The following PCDHGB1 variants were observed in gnomAD, a reference collection of about 807,000 sequenced individuals.
The protein encoded by PCDHGB1 is protocadherin gamma-B1.
PCDHGB1 carries 34 observed loss-of-function variants against 56.6 expected under a neutral mutation model. The observed-to-expected ratio is 0.60, with a 90% confidence interval of 0.46 to 0.80. The LOEUF is 0.80. Ranked by LOEUF, PCDHGB1 falls within the 30% of genes least tolerant of loss-of-function variation. The probability of loss-of-function intolerance (pLI) is 0.00; values close to 1 mark genes in which losing one functional copy is unlikely to be tolerated. For missense variants in PCDHGB1, 1,278 were observed against 1,204.6 expected, an observed-to-expected ratio of 1.06 and a Z score of -0.90; for synonymous variants, 561 against 505.9, an observed-to-expected ratio of 1.11 and a Z score of -1.46.
rs761720184 is a variant in PCDHGB1 at position 141,364,947 on chromosome 5, C to A, written c.2409+12278C>A. On this transcript the variant is annotated intron_variant, in intron 1 of 3. Coordinates refer to ENST00000523390, the MANE Select transcript of PCDHGB1 (RefSeq NM_018922.3). ...CAGCCCCTAGACCGCGAGAAAGAGA[C>A]TGTTCACGACCTCCTCCTCACAGCT... 3 of 1,613,826 alleles carry A rather than the reference C, an allele frequency of 1.9e-6. No homozygotes were observed. Among genetic ancestry groups the A allele is most frequent in the African/African-American group, 1.3e-5 (1 of 74,916 alleles).
At chr5:141,457,715 CA>C (rs2098928510) in intron 1 of PCDHGB1, among the ~76,000 whole-genome samples, 2 of 152,212 alleles carry the variant, frequency 1.3e-5, no homozygotes, top group Non-Finnish European at 2.9e-5. Flanking sequence ...CACTGTTCCA[CA>C]AGGAATTTCA....
chr5:141,362,360 A>G lies in PCDHGB1; in HGVS notation c.2409+9691A>G, dbSNP rs758755542. 153 of 1,613,924 alleles carry G rather than the reference A, an allele frequency of 9.5e-5. No homozygotes were observed. In the South Asian group the frequency reaches 1.3e-3, roughly 14 times the overall value. On this transcript the variant is annotated intron_variant, in intron 1 of 3. Transcript: ENST00000523390. ...AAGCCTGGACCTGGGGTTCTCCCCA[A>G]TTACAGTGAGGGTACATTGCCCTAT...
intron 1 of PCDHGB1, among the ~76,000 whole-genome samples, chr5:141,459,757 G>T (rs1360124889): frequency 6.6e-6 from 1 of 152,162 alleles, no homozygotes; most frequent in Admixed American, 6.6e-5. Flanking sequence ...ATTCTAGTGG[G>T]TGTGTGATAC....
intron 1 of PCDHGB1, chr5:141,372,601 T>A: frequency 7.4e-6 from 12 of 1,614,028 alleles, no homozygotes; most frequent in Non-Finnish European, 1.0e-5. Context: ...TTCAAGACTG[T>A]ACCTGGAGTT....
At chr5:141,357,042 G>A (rs961651879) in intron 1 of PCDHGB1, 5 of 1,613,996 alleles carry the variant, frequency 3.1e-6, no homozygotes, top group Admixed American at 3.3e-5. Flanking sequence ...CCAGCGAGCC[G>A]GGACTATTTG....
intron 1 of PCDHGB1, chr5:141,413,663 AT>A (rs1344545568): frequency 6.2e-7 from 1 of 1,613,844 alleles, no homozygotes; most frequent in African/African-American, 1.3e-5. Flanking sequence ...GAAGCTATTG[AT>A]CCGGATGTGG....
At chr5:141,497,733 T>G (rs2099779006) in intron 2 of PCDHGB1, among the ~76,000 whole-genome samples, 2 of 152,078 alleles carry the variant, frequency 1.3e-5, no homozygotes, top group Non-Finnish European at 2.9e-5. Context: ...AGAGATGGGT[T>G]TCGCCACGTT....
intron 1 of PCDHGB1, chr5:141,366,152 C>G: frequency 1.2e-6 from 2 of 1,614,138 alleles, no homozygotes; most frequent in Non-Finnish European, 1.7e-6. Context: ...GTCCTACCGC[C>G]TGCTTAAGGC....
intron 1 of PCDHGB1, chr5:141,419,774 C>T (rs2096431329): frequency 6.2e-7 from 1 of 1,613,902 alleles, no homozygotes; most frequent in Admixed American, 1.7e-5. Flanking sequence ...GGACTCGGTC[C>T]GCCAGCGCCT....
chr5:141,498,848 G>A (rs930895553), intron 2 of PCDHGB1, among the ~76,000 whole-genome samples: 3 of 151,908 alleles, frequency 2.0e-5, no homozygotes, highest in Non-Finnish European at 4.4e-5. Context: ...CAGGGGAATC[G>A]CTTGAACCCA....
chr5:141,414,778 C>T (rs1346896593), intron 1 of PCDHGB1: 12 of 1,614,202 alleles, frequency 7.4e-6, no homozygotes, highest in Non-Finnish European at 1.0e-5. Context: ...GCTACAGATG[C>T]AGGTGACAGC....
At chr5:141,383,174 G>A in intron 1 of PCDHGB1, 6 of 1,614,084 alleles carry the variant, frequency 3.7e-6, no homozygotes, top group South Asian at 2.2e-5. Flanking sequence ...AGGATAGACC[G>A]GGAAGAGATC....
chr5:141,403,809 A>C (rs1242181843), intron 1 of PCDHGB1: 1 of 1,613,904 alleles, frequency 6.2e-7, no homozygotes, highest in South Asian at 1.1e-5. Flanking sequence ...AAAATTAATG[A>C]AAAACAATCT....
chr5:141,425,248 G>T (rs954872490), intron 1 of PCDHGB1, among the ~76,000 whole-genome samples: 2 of 152,178 alleles, frequency 1.3e-5, no homozygotes, highest in Admixed American at 1.3e-4. Context: ...AAAAGGATAT[G>T]AGGTATTTGG....
At chr5:141,430,448 G>T in intron 1 of PCDHGB1, 1 of 192,294 alleles carries the variant, frequency 5.2e-6, no homozygotes. Flanking sequence ...ATCCCCTTTT[G>T]AAGAACAGTA....
At chr5:141,510,810 A>G (rs1455434913) in intron 3 of PCDHGB1, 137 bp from the exon 4 acceptor site, 19 of 1,519,650 alleles carry the variant, frequency 1.3e-5, no homozygotes, top group Admixed American at 2.0e-5. Flanking sequence ...TACCTTGGTG[A>G]CCCCTATATT....
At chr5:141,464,600 C>T (rs970370250) in intron 1 of PCDHGB1, among the ~76,000 whole-genome samples, 24 of 152,118 alleles carry the variant, frequency 1.6e-4, no homozygotes, top group Admixed American at 1.1e-3. Flanking sequence ...CCATAGTCTC[C>T]TTTGCAGAGT....
chr5:141,486,170 C>T lies in PCDHGB1; in HGVS notation c.2410-8637C>T, dbSNP rs759946548. The stretch of plus-strand genomic sequence containing the variant: ...TGGGGGTTCTCCAGCCATGGAGCAA[C>T]ATTGCAGCCTTCGAGTGGATCTGCT... On this transcript the variant is annotated intron_variant, in intron 1 of 3. Coordinates refer to ENST00000523390, the MANE Select transcript of PCDHGB1 (RefSeq NM_018922.3). This position sits in a 1 kb window ranked among gnomAD's most constrained non-coding sequence, Gnocchi z 5.0. The T allele has an allele frequency of 1.5e-5, 24 of 1,614,116 alleles. No individual in the cohort carries two copies. Among genetic ancestry groups the T allele is most frequent in the South Asian group, 4.4e-5 (4 of 91,090 alleles).
chr5:141,358,179 G>A (rs1760841465), intron 1 of PCDHGB1, among the ~76,000 whole-genome samples: 1 of 152,186 alleles, frequency 6.6e-6, no homozygotes, highest in African/African-American at 2.4e-5. Context: ...AACAGAGCAA[G>A]CCTCTGTCTC....
Sources: gnomAD v4.1 joint callset for allele counts (sites outside exome capture counted in the v4.1 genomes callset) on GRCh38, gnomAD v4.1.1 for gene constraint, Gnocchi (gnomAD v3.1) non-coding constraint, MANE v1.5 for transcripts, NCBI Gene and HGNC (gene_info 2026-07-23, HGNC 2026-07-21) for gene names.